The following CSNK1D variants were observed in gnomAD, a reference collection of about 807,000 sequenced individuals.
CSNK1D encodes the protein casein kinase 1 delta.
Under a neutral mutation model 46.6 loss-of-function variants are expected in CSNK1D, and 16 were observed. That is an observed-to-expected ratio of 0.34 (90% confidence interval 0.23 to 0.52). The LOEUF (loss-of-function observed/expected upper bound fraction) is 0.52, where lower values mean the gene tolerates loss of function less well. Ranked by LOEUF, CSNK1D falls within the 20% of genes least tolerant of loss-of-function variation. The pLI, the probability that CSNK1D is intolerant of heterozygous loss-of-function variation, is 0.95. For missense variants in CSNK1D, 398 were observed against 578.4 expected, an observed-to-expected ratio of 0.69 and a Z score of 3.20; for synonymous variants, 276 against 228.2, an observed-to-expected ratio of 1.21 and a Z score of -1.89.
rs1414368006 is a variant in CSNK1D at position 82,273,665 on chromosome 17, T to C, written c.-284A>G. 2 of 536,704 alleles carry C rather than the reference T, an allele frequency of 3.7e-6. No homozygotes were observed. The highest frequency in any genetic ancestry group is 4.1e-5 in the African/African-American group (2 of 49,254). The allele number at this position is 536,704 out of a possible 1,614,324, so 33.2% of individuals were successfully genotyped here. ...CGGATCTTCCGGGCCTAAATCCCCT[T>C]TCAGCTGCCTAAAGGAGCCGCCGCC... On this transcript the variant is annotated 5_prime_UTR_variant, in exon 1 of 9. Coordinates refer to ENST00000314028, the MANE Select transcript of CSNK1D (RefSeq NM_001893.6). This position sits in a 1 kb window ranked among gnomAD's most constrained non-coding sequence, Gnocchi z 5.1.
At chr17:82,264,376 C>T (rs982374904) in intron 2 of CSNK1D, among the ~76,000 whole-genome samples, 14 of 152,198 alleles carry the variant, frequency 9.2e-5, no homozygotes, top group African/African-American at 3.1e-4. Flanking sequence ...CTGAAATCCC[C>T]GCAGAGAATA....
intron 8 of CSNK1D, 182 bp from the exon 9 acceptor site, chr17:82,245,013 C>T (rs1032319239): frequency 1.6e-5 from 12 of 739,036 alleles, no homozygotes; most frequent in African/African-American, 7.0e-5. Context: ...CTCAGCAGAA[C>T]GAGTGACAGG....
chr17:82,248,664 C>G lies in CSNK1D; in HGVS notation c.1197+211G>C. On this transcript the variant is annotated intron_variant, in intron 8 of 8. Transcript: ENST00000314028. The surrounding 1 kb of genome is among the most constrained non-coding windows in gnomAD (Gnocchi z 4.1). ...AGACCTGAGACTGGCCACCTGCAAC[C>G]AGGAGACAAGCCCCATGACGGCCCA... 7.1e-7 allele frequency: 1 copy of G among 1,402,982 alleles called. No individual in the cohort carries two copies. Among genetic ancestry groups the G allele is most frequent in the Non-Finnish European group, 9.3e-7 (1 of 1,078,106 alleles). 86.9% of individuals were successfully genotyped at this position (1,402,982 alleles called of 1,614,324 possible).
intron 8 of CSNK1D, chr17:82,247,895 G>A (rs2050891765): frequency 1.1e-5 from 11 of 985,476 alleles, no homozygotes; most frequent in Non-Finnish European, 1.2e-5. Context: ...GAAACGTGCA[G>A]TAAAACCCCA....
downstream of CSNK1D, among the ~76,000 whole-genome samples, chr17:82,241,646 C>T: frequency 6.6e-6 from 1 of 152,160 alleles, no homozygotes; most frequent in East Asian, 1.9e-4. Context: ...GAGCCTCACC[C>T]ACGGCCACAG....
At position 82,273,328 on chromosome 17, in the gene CSNK1D, G is replaced by C. The variant is rs2051689022; in HGVS notation, c.54C>G (p.Gly18=). The C allele has an allele frequency of 6.2e-7, 1 of 1,609,712 alleles. No homozygotes were observed. The highest frequency in any genetic ancestry group is 8.5e-7 in the Non-Finnish European group (1 of 1,179,184). The stretch of plus-strand genomic sequence containing the variant: ...CACCGAGATAGATGTCTCCGAAGGA[G>C]CCGCTGCCGATCTTCCGGCCCAGCC... The part of the protein sequence containing the change: ...RYRLGRKIGS[G]SFGDIYLGTD... The change falls in exon 1 of 9, where the codon GGC becomes GGG. Residue 18 remains glycine, a synonymous_variant. Transcript: ENST00000314028. This position sits in a 1 kb window ranked among gnomAD's most constrained non-coding sequence, Gnocchi z 5.1.
Position 82,252,708 on chromosome 17 carries a change from GC to G in CSNK1D, c.566-105del. ...GTGGAGACTAGCCTCAGACACACAT[GC>G]CCAGATCACTCCAGCTGGCACTTCC... On this transcript the variant is annotated intron_variant, in intron 4 of 8. Transcript: ENST00000314028. This position sits in a 1 kb window ranked among gnomAD's most constrained non-coding sequence, Gnocchi z 4.6. 1 of 1,190,970 alleles carries G rather than the reference GC, an allele frequency of 8.4e-7. No individual in the cohort carries two copies. Among genetic ancestry groups the G allele is most frequent in the Non-Finnish European group, 1.2e-6 (1 of 829,514 alleles). 73.8% of individuals were successfully genotyped at this position (1,190,970 alleles called of 1,614,324 possible). A position where few individuals can be genotyped will look rare whatever the true frequency, so the allele number is the denominator to read the frequency against.
intron 1 of CSNK1D, among the ~76,000 whole-genome samples, chr17:82,272,657 C>G (rs1300142418): frequency 6.6e-6 from 1 of 152,218 alleles, no homozygotes; most frequent in Non-Finnish European, 1.5e-5. Flanking sequence ...GAACCCCCAG[C>G]GGGAGGGCAA....
intron 2 of CSNK1D, among the ~76,000 whole-genome samples, chr17:82,261,782 A>G (rs1178357083): frequency 6.6e-6 from 1 of 152,154 alleles, no homozygotes; most frequent in African/African-American, 2.4e-5. Flanking sequence ...TGTTACATAC[A>G]TTCTTTGGTG....
At chr17:82,241,871 G>A (rs547331402), downstream of CSNK1D, among the ~76,000 whole-genome samples, 3 of 152,360 alleles carry the variant, frequency 2.0e-5, no homozygotes, top group South Asian at 6.2e-4. Context: ...GTGCATCACA[G>A]GCAGAGTTGG....
rs1317138427 is a variant in CSNK1D, at chr17:82,252,968, C to T, written c.565+48G>A. The T allele has an allele frequency of 1.2e-5, 18 of 1,544,742 alleles. No homozygotes were observed. The highest frequency in any genetic ancestry group is 1.7e-4 in the Middle Eastern group (1 of 5,966). On this transcript the variant is annotated intron_variant, in intron 4 of 8. Coordinates refer to ENST00000314028, the MANE Select transcript of CSNK1D (RefSeq NM_001893.6). The surrounding 1 kb of genome is among the most constrained non-coding windows in gnomAD (Gnocchi z 4.6). ...GCCTCTCCCTGGGCTGAGGCATGGA[C>T]GCGCCCAAAGGCACCCCAGGTCAGT... is the stretch of plus-strand genomic sequence containing the variant.
intron 8 of CSNK1D, chr17:82,245,610 G>A: frequency 9.1e-6 from 3 of 330,372 alleles, no homozygotes; most frequent in South Asian, 2.6e-5. Context: ...AGGCACGGCC[G>A]ACCGCAGACA....
intron 8 of CSNK1D, 47 bp from the exon 9 acceptor site, chr17:82,244,878 G>A (rs778909401): frequency 1.9e-6 from 3 of 1,612,314 alleles, no homozygotes; most frequent in African/African-American, 1.3e-5. Flanking sequence ...GGCTGGGGGA[G>A]CCGGCCAGGC....
rs2051157661 is a variant in CSNK1D, at chr17:82,255,660, G to T, written c.188-83C>A. 3 of 1,546,404 alleles carry T rather than the reference G, an allele frequency of 1.9e-6. No homozygotes were observed. The highest frequency in any genetic ancestry group is 2.2e-5 in the South Asian group (2 of 89,742). Reference sequence around the variant, plus strand: ...AAGTCTGCACTGTGCACACCAAGGGGTCATGGTGACAATCCTGAACGGGGG... The same window carrying T: ...AAGTCTGCACTGTGCACACCAAGGGTTCATGGTGACAATCCTGAACGGGGG... On this transcript the variant is annotated intron_variant, in intron 2 of 8. Transcript: ENST00000314028. This position sits in a 1 kb window ranked among gnomAD's most constrained non-coding sequence, Gnocchi z 5.9.
rs541531641 is a variant in CSNK1D at position 82,252,363 on chromosome 17, G to A, written c.736+71C>T. 8.3e-6 allele frequency: 13 copies of A among 1,569,944 alleles called. No individual in the cohort carries two copies. The highest frequency in any genetic ancestry group is 5.0e-5 in the Admixed American group (3 of 59,976). ...CTTCTGACAAAACCCAGACTGAGCCGTCTCGGCACACCCGACACATATGCA... is the reference window on the plus strand; with the variant it reads ...CTTCTGACAAAACCCAGACTGAGCCATCTCGGCACACCCGACACATATGCA... On this transcript the variant is annotated intron_variant, in intron 5 of 8. Transcript: ENST00000314028. This position sits in a 1 kb window ranked among gnomAD's most constrained non-coding sequence, Gnocchi z 4.6.
chr17:82,268,315 T>A (rs953222989), intron 1 of CSNK1D, among the ~76,000 whole-genome samples: 1 of 152,060 alleles, frequency 6.6e-6, no homozygotes, highest in African/African-American at 2.4e-5. Context: ...CTGTCCCACC[T>A]CGCCCACCGG....
chr17:82,256,023 T>A (rs1448117722), intron 2 of CSNK1D, among the ~76,000 whole-genome samples: 2 of 152,216 alleles, frequency 1.3e-5, no homozygotes, highest in African/African-American at 4.8e-5. Context: ...TATGTTCAAT[T>A]ACTCCGATGT....
At chr17:82,242,643 G>A (rs2050757260), downstream of CSNK1D, 4 of 984,964 alleles carry the variant, frequency 4.1e-6, no homozygotes, top group Non-Finnish European at 4.8e-6. Flanking sequence ...ATGAAATAAA[G>A]ACCACATGGA....
At chr17:82,266,292 A>C (rs947129931) in intron 1 of CSNK1D, among the ~76,000 whole-genome samples, 2 of 152,200 alleles carry the variant, frequency 1.3e-5, no homozygotes, top group Admixed American at 6.5e-5. Flanking sequence ...CTGGCATCAC[A>C]GGCAGCGGGA....
Sources: gnomAD v4.1 joint callset for allele counts (sites outside exome capture counted in the v4.1 genomes callset) on GRCh38, gnomAD v4.1.1 for gene constraint, Gnocchi (gnomAD v3.1) non-coding constraint, MANE v1.5 for transcripts, NCBI Gene and HGNC (gene_info 2026-07-23, HGNC 2026-07-21) for gene names.